NME5: variants seen among roughly 807,000 people sequenced by gnomAD.
NME5 encodes nucleoside diphosphate kinase 5.
Under a neutral mutation model 21.6 loss-of-function variants are expected in NME5, and 18 were observed. The observed-to-expected ratio is 0.83, with a 90% CI of 0.58 to 1.24. The LOEUF (loss-of-function observed/expected upper bound fraction) is 1.24, where lower values mean the gene tolerates loss of function less well. Ranked by LOEUF, NME5 falls within the 50% of genes most tolerant of loss-of-function variation. The probability of loss-of-function intolerance (pLI) is 0.00; values close to 1 mark genes in which losing one functional copy is unlikely to be tolerated. For missense variants in NME5, 223 were observed against 255.4 expected, an observed-to-expected ratio of 0.87 and a Z score of 0.86; for synonymous variants, 70 against 80.6, an observed-to-expected ratio of 0.87 and a Z score of 0.71.
chr5:138,129,344 G>C lies in NME5; in HGVS notation c.254C>G (p.Ala85Gly). The C allele has an allele frequency of 1.2e-6, 2 of 1,613,874 alleles. No individual in the cohort carries two copies. The highest frequency in any genetic ancestry group is 1.7e-6 in the Non-Finnish European group (2 of 1,179,830). ...SSGPLVAMIL[A>G]RHKAISYWLE... ...CCAATAAGAGATGGCTTTATGTCTA[G>C]CTAATATCATGGCGACAAGTGGTCC... The change falls in exon 3 of 6, where the codon GCT becomes GGT. Residue 85 changes from alanine (A) to glycine (G), a missense_variant. Ala to Gly is a moderately conservative substitution (Grantham distance 60). Coordinates refer to ENST00000265191, the MANE Select transcript of NME5 (RefSeq NM_003551.3).
At chr5:138,136,140 C>A (rs531081259) in intron 2 of NME5, among the ~76,000 whole-genome samples, 2 of 152,290 alleles carry the variant, frequency 1.3e-5, no homozygotes, top group African/African-American at 2.4e-5. Flanking sequence ...CAAAAAATAA[C>A]CTGCATATAT....
chr5:138,131,923 T>C (rs967395421), intron 2 of NME5, among the ~76,000 whole-genome samples: 1 of 152,152 alleles, frequency 6.6e-6, no homozygotes, highest in Admixed American at 6.5e-5. Flanking sequence ...TTTGTATTTT[T>C]AGTAGAGACA....
intron 4 of NME5, among the ~76,000 whole-genome samples, chr5:138,126,879 C>T (rs995815316): frequency 7.2e-5 from 11 of 151,892 alleles, no homozygotes; most frequent in East Asian, 3.9e-4. Context: ...CCCAGAAGGT[C>T]GAGGCTGCCA....
intron 4 of NME5, among the ~76,000 whole-genome samples, chr5:138,126,504 C>A (rs2151163281): frequency 6.1e-5 from 3 of 49,428 alleles, no homozygotes; most frequent in Admixed American, 3.8e-4. Flanking sequence ...GAGTGAGAAT[C>A]TATCTCAAAA....
chr5:138,130,445 T>G (rs550022609), intron 2 of NME5, among the ~76,000 whole-genome samples: 3 of 152,280 alleles, frequency 2.0e-5, no homozygotes, highest in South Asian at 4.1e-4. Flanking sequence ...CATTTGAACG[T>G]GTGTTCTTTA....
At position 138,130,725 on chromosome 5, in the gene NME5, G is replaced by A. The variant is rs551931525; in HGVS notation, c.130-1257C>T. Among the ~76,000 whole-genome samples, 25 of 151,758 alleles carry A rather than the reference G, an allele frequency of 1.6e-4. 1 individual carries two copies. Among genetic ancestry groups the A allele is most frequent in the African/African-American group, 2.4e-4 (10 of 41,384 alleles). On this transcript the variant is annotated intron_variant, in intron 2 of 5. Transcript: ENST00000265191. ...GGATCACCTGAGGTCAGGAGTTCGA[G>A]ACTAGCCTGGTGAACATGGTGAAAT...
intron 5 of NME5, 45 bp downstream of exon 5, chr5:138,118,773 C>T (rs981152755): frequency 9.2e-6 from 12 of 1,307,076 alleles, no homozygotes; most frequent in East Asian, 4.7e-5. Context: ...TGAGCCACCA[C>T]GCCTGGTGAC....
intron 4 of NME5, among the ~76,000 whole-genome samples, chr5:138,120,582 T>C (rs1023576202): frequency 2.0e-5 from 3 of 152,172 alleles, no homozygotes; most frequent in Admixed American, 6.5e-5. Context: ...CAAAAGCTTT[T>C]AATTTGATTT....
intron 2 of NME5, among the ~76,000 whole-genome samples, chr5:138,132,040 C>A (rs542225118): frequency 5.3e-5 from 8 of 152,100 alleles, no homozygotes; most frequent in African/African-American, 1.9e-4. Flanking sequence ...CCACCGCGCC[C>A]GGCCTTGAGA....
At chr5:138,139,175 T>TA in intron 1 of NME5, 196 bp downstream of exon 1, 1 of 198,032 alleles carries the variant, frequency 5.0e-6, no homozygotes, top group Non-Finnish European at 9.5e-6. Context: ...GAGGGGACGG[T>TA]GGCTGGTGGG....
chr5:138,132,217 G>A (rs903281269), intron 2 of NME5, among the ~76,000 whole-genome samples: 3 of 152,182 alleles, frequency 2.0e-5, no homozygotes, highest in Admixed American at 6.5e-5. Context: ...AAAATTGGTG[G>A]TGCACACCTG....
At chr5:138,139,033 A>T (rs544812204) in intron 1 of NME5, 4 of 302,064 alleles carry the variant, frequency 1.3e-5, no homozygotes, top group Non-Finnish European at 2.4e-5. Context: ...GGCAGGAAGG[A>T]CTATGGGCTC....
At chr5:138,124,813 G>A (rs1751362263) in intron 4 of NME5, among the ~76,000 whole-genome samples, 1 of 152,176 alleles carries the variant, frequency 6.6e-6, no homozygotes, top group South Asian at 2.1e-4. Context: ...TAGCCACCAT[G>A]CCAGGCTAGG....
intron 4 of NME5, among the ~76,000 whole-genome samples, chr5:138,120,470 C>A (rs538001069): frequency 1.3e-5 from 2 of 152,038 alleles, no homozygotes; most frequent in South Asian, 4.2e-4. Flanking sequence ...GATATCCTGA[C>A]CTTGTGAGCC....
intron 5 of NME5, among the ~76,000 whole-genome samples, chr5:138,117,921 T>C (rs898099966): frequency 6.6e-6 from 1 of 151,192 alleles, no homozygotes; most frequent in African/African-American, 2.4e-5. Flanking sequence ...GGGGCGGAGG[T>C]TGCAGTGAGC....
chr5:138,118,768 C>T (rs747686852), intron 5 of NME5, 50 bp downstream of exon 5: 1 of 1,268,602 alleles, frequency 7.9e-7, no homozygotes, highest in Admixed American at 1.7e-5. Flanking sequence ...AGGCATGAGC[C>T]ACCACGCCTG....
intron 5 of NME5, chr5:138,116,739 A>ATTT (rs1751165322): frequency 6.5e-6 from 1 of 153,750 alleles, no homozygotes; most frequent in Non-Finnish European, 1.5e-5. Context: ...AATTTTTGAC[A>ATTT]ATGGTACCAA....
intron 4 of NME5, among the ~76,000 whole-genome samples, chr5:138,124,340 G>A (rs1482491490): frequency 2.6e-5 from 4 of 151,908 alleles, no homozygotes; most frequent in African/African-American, 7.3e-5. Context: ...TTATTTGTAT[G>A]TCTTCTTTAG....
rs148773144 is a variant in NME5, at chr5:138,136,948, G to T, written c.129+1704C>A. Among the ~76,000 whole-genome samples the T allele has an allele frequency of 3.8e-3, 564 of 150,242 alleles. 3 individuals are homozygous for T. Among genetic ancestry groups the T allele is most frequent in the African/African-American group, 0.013 (536 of 40,890 alleles). On this transcript the variant is annotated intron_variant, in intron 2 of 5. Coordinates refer to ENST00000265191, the MANE Select transcript of NME5 (RefSeq NM_003551.3). ...ATGAGCCACCGTGCCTGGCCTTGTTGATATAATCTTATCAATCTTTTCTTC... is the reference window on the plus strand; with the variant it reads ...ATGAGCCACCGTGCCTGGCCTTGTTTATATAATCTTATCAATCTTTTCTTC...
Sources: allele counts gnomAD v4.1 joint callset (sites outside exome capture counted in the v4.1 genomes callset), GRCh38; gene constraint gnomAD v4.1.1; transcripts MANE v1.5; gene names NCBI Gene and HGNC (gene_info 2026-07-23, HGNC 2026-07-21).